The following RGS6 variants were observed in gnomAD, a reference collection of about 807,000 sequenced individuals.
RGS6 encodes regulator of G-protein signaling 6.
Under a neutral mutation model 78.5 loss-of-function variants are expected in RGS6, and 30 were observed. That is an observed-to-expected ratio of 0.38 (90% CI 0.29 to 0.52). The LOEUF (loss-of-function observed/expected upper bound fraction) is 0.52, where lower values mean the gene tolerates loss of function less well. Ranked by LOEUF, RGS6 falls within the 20% of genes least tolerant of loss-of-function variation. The probability of loss-of-function intolerance (pLI) is 0.85; values close to 1 mark genes in which losing one functional copy is unlikely to be tolerated. For synonymous variants in RGS6, 206 were observed against 206.0 expected, an observed-to-expected ratio of 1.00 and a Z score of 0.00; for missense variants, 495 against 609.7, an observed-to-expected ratio of 0.81 and a Z score of 1.98.
At chr14:72,415,800 GTC>G (rs1259967595) in intron 3 of RGS6, among the ~76,000 whole-genome samples, 1 of 152,170 alleles carries the variant, frequency 6.6e-6, no homozygotes, top group Non-Finnish European at 1.5e-5. Context: ...ACTCCTCTCT[GTC>G]TCTGTTTATG....
chr14:72,553,786 T>C (rs1246526625), intron 17 of RGS6, among the ~76,000 whole-genome samples: 1 of 152,204 alleles, frequency 6.6e-6, no homozygotes, highest in Admixed American at 6.5e-5. Flanking sequence ...AAAGCTTCCA[T>C]AACTCTTCCT....
intron 2 of RGS6, among the ~76,000 whole-genome samples, chr14:72,088,379 G>C (rs929691325): frequency 6.6e-6 from 1 of 152,172 alleles, no homozygotes. Context: ...GCCTTGCGCC[G>C]ATTGCTGGCT....
At chr14:71,919,913 G>T in the RGS6 span, among the ~76,000 whole-genome samples, 29 of 152,228 alleles carry the variant, frequency 1.9e-4, no homozygotes, top group Admixed American at 1.5e-3. Context: ...AGAATCATTT[G>T]AACCCAGGAG....
chr14:71,940,863 G>A lies in RGS6; in HGVS notation c.-21+7922G>A, dbSNP rs112909574. Among the ~76,000 whole-genome samples, 1,292 of 152,268 alleles carry A rather than the reference G, an allele frequency of 8.5e-3. 15 individuals are homozygous for A. The highest frequency in any genetic ancestry group is 0.03 in the African/African-American group (1,234 of 41,554). On this transcript the variant is annotated intron_variant, in intron 1 of 17. Transcript: ENST00000553525. ...CAGCTGGGATGAGTAGGTCTAAAGG[G>A]ACTAATCCACTCCACCACCCCAATC... is the stretch of plus-strand genomic sequence containing the variant.
At chr14:72,519,675 C>T (rs1395491174) in intron 15 of RGS6, among the ~76,000 whole-genome samples, 1 of 152,218 alleles carries the variant, frequency 6.6e-6, no homozygotes, top group Non-Finnish European at 1.5e-5. Context: ...TCATATACCC[C>T]TTGCAGCTTC....
the RGS6 span, among the ~76,000 whole-genome samples, chr14:72,588,649 C>T: frequency 6.6e-6 from 1 of 152,182 alleles, no homozygotes; most frequent in Non-Finnish European, 1.5e-5. Flanking sequence ...AACTTGCTGG[C>T]CTGGAGCCAT....
the RGS6 span, among the ~76,000 whole-genome samples, chr14:71,913,320 G>C: frequency 2.6e-5 from 4 of 152,206 alleles, no homozygotes; most frequent in African/African-American, 4.8e-5. Flanking sequence ...CAAGGCATAT[G>C]TACTAGCTTC....
rs540211437 is a variant in RGS6, at chr14:72,332,296, A to G, written c.85-19799A>G. Among the ~76,000 whole-genome samples the G allele has an allele frequency of 1.5e-4, 23 of 152,330 alleles. No homozygotes were observed. In the East Asian group the frequency reaches 2.7e-3, roughly 18 times the overall value. Reference sequence around the variant, plus strand: ...GCTTTGCCAAAAAAGAGCGTTGGCCATCTTCCAGGCCAGGCGGTAGGTTTG... The same window carrying G: ...GCTTTGCCAAAAAAGAGCGTTGGCCGTCTTCCAGGCCAGGCGGTAGGTTTG... On this transcript the variant is annotated intron_variant, in intron 2 of 17. Transcript: ENST00000553525.
At chr14:71,880,463 T>C in the RGS6 span, among the ~76,000 whole-genome samples, 1 of 151,560 alleles carries the variant, frequency 6.6e-6, no homozygotes, top group East Asian at 1.9e-4. Flanking sequence ...GAAGACAGAG[T>C]GGTTTTGTGG....
intron 2 of RGS6, among the ~76,000 whole-genome samples, chr14:72,119,021 T>C (rs968932193): frequency 6.6e-6 from 1 of 151,728 alleles, no homozygotes; most frequent in African/African-American, 2.4e-5. Flanking sequence ...ATATTATCTA[T>C]TTTTGTGTAG....
chr14:71,924,912 G>C, the RGS6 span, among the ~76,000 whole-genome samples: 7 of 152,146 alleles, frequency 4.6e-5, no homozygotes, highest in Non-Finnish European at 1.0e-4. Flanking sequence ...CAGCATCATG[G>C]ATTTTATTTG....
chr14:72,082,696 T>G (rs903326784), intron 2 of RGS6, among the ~76,000 whole-genome samples: 1 of 152,160 alleles, frequency 6.6e-6, no homozygotes, highest in Non-Finnish European at 1.5e-5. Context: ...ACGTTGGTTT[T>G]CAAAATTAAA....
intron 15 of RGS6, among the ~76,000 whole-genome samples, chr14:72,530,744 A>G (rs556050008): frequency 6.6e-6 from 1 of 152,306 alleles, no homozygotes; most frequent in Admixed American, 6.5e-5. Flanking sequence ...ACCAAAGACC[A>G]ATGATACCCC....
intron 2 of RGS6, among the ~76,000 whole-genome samples, chr14:72,181,824 C>T (rs1314019793): frequency 2.0e-5 from 3 of 152,142 alleles, no homozygotes; most frequent in Admixed American, 1.3e-4. Context: ...CTAATAGAGT[C>T]AGAGTGACGC....
At chr14:72,085,167 G>A (rs921774802) in intron 2 of RGS6, among the ~76,000 whole-genome samples, 4 of 152,326 alleles carry the variant, frequency 2.6e-5, no homozygotes, top group South Asian at 2.1e-4. Context: ...ACAGTAAGGC[G>A]TGAGGGTAAG....
the RGS6 span, among the ~76,000 whole-genome samples, chr14:71,895,053 T>C: frequency 6.6e-6 from 1 of 150,604 alleles, no homozygotes; most frequent in Non-Finnish European, 1.5e-5. Flanking sequence ...CGTGAGCCAC[T>C]GCACCCAGCC....
intron 3 of RGS6, among the ~76,000 whole-genome samples, chr14:72,385,689 G>A (rs886770891): frequency 6.6e-6 from 1 of 152,194 alleles, no homozygotes; most frequent in African/African-American, 2.4e-5. Flanking sequence ...ACATTAGTCA[G>A]TGTGTCTGGC....
At chr14:71,978,720 TTC>T (rs1333190729) in intron 2 of RGS6, among the ~76,000 whole-genome samples, 1 of 152,162 alleles carries the variant, frequency 6.6e-6, no homozygotes, top group African/African-American at 2.4e-5. Context: ...TGGTCTAATA[TTC>T]TCTTTTTATG....
At chr14:71,913,451 G>A in the RGS6 span, among the ~76,000 whole-genome samples, 1 of 152,154 alleles carries the variant, frequency 6.6e-6, no homozygotes, top group Non-Finnish European at 1.5e-5. Context: ...TGGCTCTCAC[G>A]GTCTTAGGTT....
Sources: allele counts gnomAD v4.1 joint callset (sites outside exome capture counted in the v4.1 genomes callset), GRCh38; gene constraint gnomAD v4.1.1; transcripts MANE v1.5; gene names NCBI Gene and HGNC (gene_info 2026-07-23, HGNC 2026-07-21).